CSN1S1: variants seen among roughly 807,000 people sequenced by gnomAD.
The protein encoded by CSN1S1 is casein alpha s1, also known as alpha-S1-casein.
CSN1S1 carries 63 observed loss-of-function variants against 49.1 expected under a neutral mutation model. The ratio of observed to expected loss-of-function variants is 1.28; its 90% CI spans 1.05 to 1.58. The LOEUF is 1.58. CSN1S1 is among the 40% of genes most tolerant of loss of function. The pLI is 0.00. For missense variants in CSN1S1, 260 were observed against 224.7 expected, an observed-to-expected ratio of 1.16 and a Z score of -1.01; for synonymous variants, 78 against 67.1, an observed-to-expected ratio of 1.16 and a Z score of -0.79.
intron 9 of CSN1S1, among the ~76,000 whole-genome samples, chr4:69,938,050 T>C (rs1722852396): frequency 6.6e-6 from 1 of 151,810 alleles, no homozygotes; most frequent in Admixed American, 6.6e-5. Flanking sequence ...CTAGATAAAG[T>C]TGAAATTGGA....
chr4:69,932,656 C>A, intron 2 of CSN1S1, 50 bp downstream of exon 2: 2 of 1,447,798 alleles, frequency 1.4e-6, no homozygotes, highest in South Asian at 1.2e-5. Flanking sequence ...TTAGAAATGA[C>A]CTGACACTTC....
In CSN1S1 at chr4:69,937,789, T is replaced by C. The variant is rs1040628236; in HGVS notation, c.220-11T>C. The C allele has an allele frequency of 2.5e-6, 4 of 1,589,412 alleles. No individual in the cohort carries two copies. Among genetic ancestry groups the C allele is most frequent in the Non-Finnish European group, 3.4e-6 (4 of 1,170,024 alleles). On this transcript the variant is annotated splice_polypyrimidine_tract_variant and intron_variant, in intron 8 of 15. Transcript: ENST00000246891. ...ATGAAAAATGAAATTGATTATTTTT[T>C]CTTTCTTAAGAACTGTGTTGTGGCA...
rs1722720005 is a variant in CSN1S1, at chr4:69,934,799, A to G, written c.105+89A>G. On this transcript the variant is annotated intron_variant, in intron 4 of 15. Coordinates refer to ENST00000246891, the MANE Select transcript of CSN1S1 (RefSeq NM_001890.2). ...ATGCATGTTGAATGTCTTCTTCTTT[A>G]CAATTTTTATTTCCCTTCAAATGCA... The G allele has an allele frequency of 9.3e-6, 11 of 1,184,582 alleles. No homozygotes were observed. In the East Asian group the frequency reaches 2.6e-4, roughly 28 times the overall value. 73.4% of individuals were successfully genotyped at this position (1,184,582 alleles called of 1,614,324 possible).
In CSN1S1 at chr4:69,937,831, C is replaced by T. The variant is rs375244256; in HGVS notation, c.243+8C>T. 13 of 1,586,956 alleles carry T rather than the reference C, an allele frequency of 8.2e-6. No individual in the cohort carries two copies. Among genetic ancestry groups the T allele is most frequent in the Non-Finnish European group, 1.1e-5 (13 of 1,168,832 alleles). The stretch of plus-strand genomic sequence containing the variant: ...GTTGTGGCAGAGCCTGAGGTAAGAC[C>T]CATTCATTCTAGTGAACTCTACACT... On this transcript the variant is annotated splice_region_variant and intron_variant, in intron 9 of 15. Transcript: ENST00000246891.
intron 6 of CSN1S1, 42 bp downstream of exon 6, chr4:69,936,521 T>C: frequency 6.3e-7 from 1 of 1,598,988 alleles, no homozygotes; most frequent in Non-Finnish European, 8.6e-7. Context: ...TAAAAGTTTG[T>C]TTTCATGAAA....
At chr4:69,943,202 T>G (rs1723032604) in intron 14 of CSN1S1, among the ~76,000 whole-genome samples, 1 of 145,766 alleles carries the variant, frequency 6.9e-6, no homozygotes, top group South Asian at 2.1e-4. Flanking sequence ...ATTATTATTA[T>G]TAGACAGATT....
intron 1 of CSN1S1, among the ~76,000 whole-genome samples, chr4:69,931,827 G>T (rs1722616083): frequency 6.6e-6 from 1 of 151,710 alleles, no homozygotes; most frequent in Non-Finnish European, 1.5e-5. Flanking sequence ...AGTACATGTG[G>T]ATGTCCATAT....
chr4:69,934,262 C>T lies in CSN1S1; in HGVS notation c.84+18C>T. On this transcript the variant is annotated intron_variant, in intron 3 of 15. Coordinates refer to ENST00000246891, the MANE Select transcript of CSN1S1 (RefSeq NM_001890.2). ...GCCTTCAGGTAAATATTCTATTCTG[C>T]ATTCCAAGAACTCACTCTAATTGTG... 1 of 1,608,064 alleles carries T rather than the reference C, an allele frequency of 6.2e-7. No homozygotes were observed. Among genetic ancestry groups the T allele is most frequent in the Non-Finnish European group, 8.5e-7 (1 of 1,175,990 alleles).
At chr4:69,941,888 A>C (rs1028243308) in intron 12 of CSN1S1, among the ~76,000 whole-genome samples, 158 bp from the exon 13 acceptor site, 4 of 151,904 alleles carry the variant, frequency 2.6e-5, no homozygotes, top group Non-Finnish European at 4.4e-5. Context: ...CACAACTGTT[A>C]GAACCTACTT....
chr4:69,944,762 G>A, intron 14 of CSN1S1, 88 bp from the exon 15 acceptor site: 1 of 1,329,194 alleles, frequency 7.5e-7, no homozygotes, highest in Admixed American at 2.0e-5. Context: ...AGGCATCTTG[G>A]AAATGAATGA....
rs1202569920 is a variant in CSN1S1, at chr4:69,934,629, T to C, written c.85-61T>C. On this transcript the variant is annotated intron_variant, in intron 3 of 15. Transcript: ENST00000246891. ...TACCACAACTTTCTATGAGCACAAC[T>C]AATCCTACATTCTGTCCTGCAATTG... 6.0e-6 allele frequency: 9 copies of C among 1,488,704 alleles called. No homozygotes were observed. The East Asian group carries it at 2.0e-4, about 34-fold the overall frequency. The allele number at this position is 1,488,704 out of a possible 1,614,324, so 92.2% of individuals were successfully genotyped here.
chr4:69,940,062 A>C lies in CSN1S1; in HGVS notation c.300+18A>C. ...AGTGTGCGGTAAGACATATTTGCTA[A>C]ATTTAAAATATATTAATATTTTCCA... On this transcript the variant is annotated intron_variant, in intron 11 of 15. Coordinates refer to ENST00000246891, the MANE Select transcript of CSN1S1 (RefSeq NM_001890.2). The C allele has an allele frequency of 7.8e-7, 1 of 1,274,612 alleles. No individual in the cohort carries two copies. The allele number at this position is 1,274,612 out of a possible 1,614,324, so 79.0% of individuals were successfully genotyped here. A position where few individuals can be genotyped will look rare whatever the true frequency, so the allele number is the denominator to read the frequency against.
chr4:69,937,762 T>A (rs768226717), intron 8 of CSN1S1, 38 bp from the exon 9 acceptor site: 16 of 1,532,818 alleles, frequency 1.0e-5, no homozygotes, highest in Non-Finnish European at 1.4e-5. Flanking sequence ...TGACTATTTG[T>A]CATGAAAAAT....
chr4:69,937,259 A>C, intron 8 of CSN1S1, 115 bp downstream of exon 8: 1 of 739,776 alleles, frequency 1.4e-6, no homozygotes, highest in Non-Finnish European at 2.1e-6. Context: ...TCTAATTCAA[A>C]GAAAGAAAAG....
intron 14 of CSN1S1, among the ~76,000 whole-genome samples, chr4:69,944,151 A>G (rs1469491303): frequency 1.3e-5 from 2 of 151,978 alleles, no homozygotes; most frequent in Non-Finnish European, 2.9e-5. Flanking sequence ...AACATTTTAA[A>G]TGCTTTTAAA....
chr4:69,937,765 T>C (rs1201229433), intron 8 of CSN1S1, 35 bp from the exon 9 acceptor site: 3 of 1,550,194 alleles, frequency 1.9e-6, no homozygotes, highest in Non-Finnish European at 2.6e-6. Context: ...CTATTTGTCA[T>C]GAAAAATGAA....
chr4:69,939,172 T>C lies in CSN1S1; in HGVS notation c.244-4T>C. The C allele has an allele frequency of 6.3e-7, 1 of 1,598,310 alleles. No individual in the cohort carries two copies. Among genetic ancestry groups the C allele is most frequent in the Non-Finnish European group, 8.6e-7 (1 of 1,168,608 alleles). ...ATAATTAACACTAGATTTCTTTCTTTTAGAAGATGGAATCCAGCATCAGTT... is the reference window on the plus strand; with the variant it reads ...ATAATTAACACTAGATTTCTTTCTTCTAGAAGATGGAATCCAGCATCAGTT... On this transcript the variant is annotated splice_polypyrimidine_tract_variant and splice_region_variant and intron_variant, in intron 9 of 15. Transcript: ENST00000246891.
In CSN1S1 at chr4:69,946,332, A is replaced by G. The variant is rs962025704; in HGVS notation, c.*136A>G. On this transcript the variant is annotated 3_prime_UTR_variant, in exon 16 of 16. Coordinates refer to ENST00000246891, the MANE Select transcript of CSN1S1 (RefSeq NM_001890.2). The stretch of plus-strand genomic sequence containing the variant: ...CTTTTTGAGTTATCTACTTAATAGC[A>G]TATCATTCTTTTTCTTAAGCTAAAT... 20 of 328,446 alleles carry G rather than the reference A, an allele frequency of 6.1e-5. No homozygotes were observed. The highest frequency in any genetic ancestry group is 1.1e-4 in the Non-Finnish European group (18 of 169,422). The allele number at this position is 328,446 out of a possible 1,614,324, so 20.3% of individuals were successfully genotyped here.
chr4:69,936,616 G>C lies in CSN1S1; in HGVS notation c.195+9G>C. Reference sequence around the variant, plus strand: ...AGACTGATGAAATCAAGGTACCAAAGTTTTTCTTGAAAGAGTATGGCAAAA... The same window carrying C: ...AGACTGATGAAATCAAGGTACCAAACTTTTTCTTGAAAGAGTATGGCAAAA... On this transcript the variant is annotated intron_variant, in intron 7 of 15. Transcript: ENST00000246891. 1 of 1,599,502 alleles carries C rather than the reference G, an allele frequency of 6.3e-7. No homozygotes were observed. The highest frequency in any genetic ancestry group is 8.5e-7 in the Non-Finnish European group (1 of 1,172,582).
Sources: allele counts gnomAD v4.1 joint callset (sites outside exome capture counted in the v4.1 genomes callset), GRCh38; gene constraint gnomAD v4.1.1; transcripts MANE v1.5; gene names NCBI Gene and HGNC (gene_info 2026-07-23, HGNC 2026-07-21).